Variants in EGFLAM observed in about 807,000 individuals in gnomAD.
EGFLAM encodes the protein EGF like, fibronectin type III and laminin G domains.
In EGFLAM, 79 loss-of-function variants were observed where a neutral mutation model predicts 113.1. The ratio of observed to expected loss-of-function variants is 0.70; its 90% CI spans 0.58 to 0.84. The LOEUF (loss-of-function observed/expected upper bound fraction) is 0.84. Among genes scored for constraint, EGFLAM ranks in the 40% least tolerant of loss-of-function variants. The pLI is 0.00. For missense variants in EGFLAM, 1,265 were observed against 1,291.6 expected (o/e 0.98, Z 0.32); for synonymous variants, 504 against 487.6 (o/e 1.03, Z -0.44).
chr5:38,345,923 A>G (rs973137332), intron 3 of EGFLAM: 2 of 152,226 alleles, frequency 1.3e-5, no homozygotes, highest in Admixed American at 6.5e-5. Flanking sequence ...TACATTGAGG[A>G]TTCCATTTGA....
intron 1 of EGFLAM, among the ~76,000 whole-genome samples, chr5:38,269,650 C>T (rs1757720667): frequency 6.6e-6 from 1 of 151,972 alleles, no homozygotes; most frequent in South Asian, 2.1e-4. Context: ...CCACCATGCC[C>T]AGCTAATTTT....
In EGFLAM at chr5:38,443,221, G is replaced by A. The variant is rs553888302; in HGVS notation, c.2464+4766G>A. Reference sequence around the variant, plus strand: ...GCAGAATTTGCAGTAAGCCGAGATCGTGCCACTGCACTCCAGCCTGGGTGA... The same window carrying A: ...GCAGAATTTGCAGTAAGCCGAGATCATGCCACTGCACTCCAGCCTGGGTGA... On this transcript the variant is annotated intron_variant, in intron 17 of 21. Coordinates refer to ENST00000322350, the MANE Select transcript of EGFLAM (RefSeq NM_152403.4). Among the ~76,000 whole-genome samples the A allele has an allele frequency of 1.8e-4, 27 of 152,324 alleles. 1 individual carries two copies. In the South Asian group the frequency reaches 2.9e-3, roughly 16 times the overall value.
At chr5:38,405,059 A>C (rs1741237217) in intron 6 of EGFLAM, among the ~76,000 whole-genome samples, 1 of 152,188 alleles carries the variant, frequency 6.6e-6, no homozygotes, top group South Asian at 2.1e-4. Flanking sequence ...AGATGGATGA[A>C]ATGGATGACC....
Position 38,351,402 on chromosome 5 carries a change from T to A in EGFLAM, c.409+784T>A, listed in dbSNP as rs58494186. On this transcript the variant is annotated intron_variant, in intron 4 of 21. Transcript: ENST00000322350. Reference sequence around the variant, plus strand: ...GATTACAGGCGTAAGCCACCGCGCCTGGTGACAGCAGCACTTCTAAGGACT... The same window carrying A: ...GATTACAGGCGTAAGCCACCGCGCCAGGTGACAGCAGCACTTCTAAGGACT... 3.5e-3 allele frequency among the ~76,000 whole-genome samples: 527 copies of A among 151,986 alleles called. 18 individuals carry two copies. In the East Asian group the frequency reaches 0.072, roughly 21 times the overall value.
intron 1 of EGFLAM, among the ~76,000 whole-genome samples, chr5:38,297,572 C>T (rs1437678954): frequency 2.6e-5 from 4 of 152,084 alleles, no homozygotes; most frequent in Admixed American, 1.3e-4. Flanking sequence ...TTTTCTAAAG[C>T]CTAGGTTATA....
At chr5:38,350,646 G>A (rs1268899629) in intron 4 of EGFLAM, 28 bp downstream of exon 4, 5 of 1,598,008 alleles carry the variant, frequency 3.1e-6, no homozygotes, top group Non-Finnish European at 4.3e-6. Flanking sequence ...TCATTAATAG[G>A]TGGCAGGCTG....
At chr5:38,462,311 C>G (rs1743309165) in intron 20 of EGFLAM, among the ~76,000 whole-genome samples, 1 of 152,190 alleles carries the variant, frequency 6.6e-6, no homozygotes, top group Non-Finnish European at 1.5e-5. Context: ...TCGCCACAAG[C>G]TCTCCTCCCC....
intron 19 of EGFLAM, among the ~76,000 whole-genome samples, chr5:38,454,601 A>T (rs1561104498): frequency 6.6e-6 from 1 of 152,174 alleles, no homozygotes; most frequent in Non-Finnish European, 1.5e-5. Context: ...TATTTTTATT[A>T]TTGTTATTGT....
intron 17 of EGFLAM, 26 bp downstream of exon 17, chr5:38,438,481 C>G (rs773759791): frequency 1.3e-6 from 2 of 1,548,076 alleles, no homozygotes; most frequent in African/African-American, 1.4e-5. Context: ...TGAGGCACAG[C>G]TCCCTGGAGG....
intron 1 of EGFLAM, among the ~76,000 whole-genome samples, chr5:38,335,601 A>T (rs1484284189): frequency 6.6e-6 from 1 of 152,170 alleles, no homozygotes; most frequent in Non-Finnish European, 1.5e-5. Context: ...AGCCAATCAG[A>T]TGAGACATTA....
intron 6 of EGFLAM, among the ~76,000 whole-genome samples, chr5:38,400,592 C>T (rs760783468): frequency 6.6e-5 from 10 of 152,092 alleles, no homozygotes; most frequent in Non-Finnish European, 8.8e-5. Context: ...TCTGAGGTGG[C>T]GGGGCAGTCA....
intron 12 of EGFLAM, among the ~76,000 whole-genome samples, chr5:38,422,793 A>G (rs960765250): frequency 2.0e-5 from 3 of 152,182 alleles, no homozygotes; most frequent in Admixed American, 6.5e-5. Flanking sequence ...TACTAACACT[A>G]GAAGTATCTT....
rs549864143 is a variant in EGFLAM at position 38,261,798 on chromosome 5, A to T, written c.97+2947A>T. On this transcript the variant is annotated intron_variant, in intron 1 of 21. Coordinates refer to ENST00000322350, the MANE Select transcript of EGFLAM (RefSeq NM_152403.4). ...TTGGAAGCTACTGTCTACTGGCCTC[A>T]TTTATAAGAATCACAGGGTGTGGCC... Among the ~76,000 whole-genome samples, 36 of 152,318 alleles carry T rather than the reference A, an allele frequency of 2.4e-4. No individual in the cohort carries two copies. In the South Asian group the frequency reaches 7.3e-3, roughly 31 times the overall value.
At chr5:38,354,856 T>C (rs1198156730) in intron 5 of EGFLAM, among the ~76,000 whole-genome samples, 1 of 152,228 alleles carries the variant, frequency 6.6e-6, no homozygotes, top group Non-Finnish European at 1.5e-5. Flanking sequence ...AAATTTTCTC[T>C]ATATCTATGT....
intron 17 of EGFLAM, chr5:38,445,811 A>G (rs968399908): frequency 3.6e-5 from 43 of 1,203,410 alleles, no homozygotes; most frequent in Non-Finnish European, 4.6e-5. Flanking sequence ...GGACATGCCT[A>G]CGCGTGGTGG....
At chr5:38,431,438 A>G in intron 15 of EGFLAM, 150 bp downstream of exon 15, 2 of 692,876 alleles carry the variant, frequency 2.9e-6, no homozygotes, top group East Asian at 5.5e-5. Context: ...TGGGCAAATT[A>G]CTTAACTTTT....
At chr5:38,360,035 T>C (rs1178247490) in intron 5 of EGFLAM, among the ~76,000 whole-genome samples, 1 of 152,198 alleles carries the variant, frequency 6.6e-6, no homozygotes, top group Non-Finnish European at 1.5e-5. Flanking sequence ...GATATTTTTG[T>C]CAAAAGTCAT....
chr5:38,463,305 G>A (rs1330606186), intron 21 of EGFLAM, among the ~76,000 whole-genome samples: 3 of 152,126 alleles, frequency 2.0e-5, no homozygotes, highest in East Asian at 3.9e-4. Context: ...CTGACAAAAC[G>A]GGACCTGTCT....
At chr5:38,459,640 G>A (rs1743207464) in intron 20 of EGFLAM, among the ~76,000 whole-genome samples, 1 of 152,208 alleles carries the variant, frequency 6.6e-6, no homozygotes, top group Non-Finnish European at 1.5e-5. Context: ...GGGGAAGCCA[G>A]TGGGTAAAGT....
Sources: gnomAD v4.1 joint callset for allele counts (sites outside exome capture counted in the v4.1 genomes callset) on GRCh38, gnomAD v4.1.1 for gene constraint, MANE v1.5 for transcripts, NCBI Gene and HGNC (gene_info 2026-07-23, HGNC 2026-07-21) for gene names.